Variants in DDX10 observed in about 807,000 individuals in gnomAD.
DDX10 encodes DEAD-box helicase 10.
A neutral mutation model predicts 104.3 loss-of-function variants in DDX10; 74 were observed. The ratio of observed to expected loss-of-function variants is 0.71; its 90% CI spans 0.59 to 0.86. The LOEUF is 0.86. Among genes scored for constraint, DDX10 ranks in the 40% least tolerant of loss-of-function variants. The pLI, the probability that DDX10 is intolerant of heterozygous loss-of-function variation, is 0.00. For missense variants in DDX10, 952 were observed against 1,040.0 expected, an observed-to-expected ratio of 0.92 and a Z score of 1.16; for synonymous variants, 351 against 353.4, an observed-to-expected ratio of 0.99 and a Z score of 0.08.
chr11:108,931,618 A>G (rs1863976192), intron 17 of DDX10, among the ~76,000 whole-genome samples: 1 of 152,232 alleles, frequency 6.6e-6, no homozygotes, highest in Admixed American at 6.5e-5. Context: ...TGTAAAGTTA[A>G]GGGGATAAAA....
chr11:108,890,808 C>A (rs1010870012), intron 16 of DDX10, among the ~76,000 whole-genome samples: 2 of 152,020 alleles, frequency 1.3e-5, no homozygotes, highest in African/African-American at 2.4e-5. Flanking sequence ...CGTGGAAATA[C>A]TGACATAAAG....
At chr11:108,938,358 T>A (rs1864062155) in intron 17 of DDX10, among the ~76,000 whole-genome samples, 1 of 151,550 alleles carries the variant, frequency 6.6e-6, no homozygotes, top group Non-Finnish European at 1.5e-5. Flanking sequence ...CCAAACCACC[T>A]ATTTCCTGCA....
At chr11:108,846,422 C>G (rs184907326) in intron 15 of DDX10, among the ~76,000 whole-genome samples, 3 of 152,212 alleles carry the variant, frequency 2.0e-5, no homozygotes, top group Admixed American at 2.0e-4. Context: ...TTGCCCATCT[C>G]CCCTGCAAGC....
At chr11:108,709,410 C>T (rs1223476204) in intron 10 of DDX10, among the ~76,000 whole-genome samples, 1 of 152,190 alleles carries the variant, frequency 6.6e-6, no homozygotes, top group Non-Finnish European at 1.5e-5. Context: ...GCGAGCCCAT[C>T]CGGGCTTGGT....
chr11:108,856,219 G>A (rs1474795792), intron 16 of DDX10, among the ~76,000 whole-genome samples: 1 of 152,064 alleles, frequency 6.6e-6, no homozygotes, highest in African/African-American at 2.4e-5. Flanking sequence ...CACCTGCGGT[G>A]AGGGGTTCAA....
In DDX10 at chr11:108,852,201, C is replaced by CAAGCA; in HGVS notation, c.2300_2304dup (p.Ala769GlnfsTer50). On this transcript the variant is annotated frameshift_variant, in exon 16 of 18. Transcript: ENST00000322536. LOFTEE classifies it high-confidence loss of function. ...AGCCAGAAGAGAAGCCAACAAGAGA[C>CAAGCA]AAGCAAAGGTAAGGGTTTATATACA... is the stretch of plus-strand genomic sequence containing the variant. 1 of 1,610,694 alleles carries CAAGCA rather than the reference C, an allele frequency of 6.2e-7. No homozygotes were observed. The highest frequency in any genetic ancestry group is 8.5e-7 in the Non-Finnish European group (1 of 1,177,886).
chr11:108,881,636 A>G (rs1863228421), intron 16 of DDX10, among the ~76,000 whole-genome samples: 1 of 151,970 alleles, frequency 6.6e-6, no homozygotes, highest in South Asian at 2.1e-4. Context: ...GCTATTCAAC[A>G]CTCTATTATA....
intron 13 of DDX10, chr11:108,822,465 C>A: frequency 9.0e-6 from 3 of 333,926 alleles, no homozygotes; most frequent in South Asian, 2.9e-5. Flanking sequence ...TCAGTGTATC[C>A]TTTCCCCAGG....
chr11:108,708,654 A>G (rs1375826711), intron 10 of DDX10, among the ~76,000 whole-genome samples: 5 of 149,028 alleles, frequency 3.4e-5, no homozygotes, highest in Admixed American at 1.3e-4. Context: ...TGGAACCTCT[A>G]CCTCCTGGGT....
chr11:108,789,057 G>A (rs1861834549), intron 13 of DDX10, among the ~76,000 whole-genome samples: 1 of 152,208 alleles, frequency 6.6e-6, no homozygotes, highest in African/African-American at 2.4e-5. Context: ...GCTGGTCTGT[G>A]AGCCCAGGCA....
At chr11:108,689,297 C>T (rs1030915421) in intron 7 of DDX10, among the ~76,000 whole-genome samples, 6 of 152,096 alleles carry the variant, frequency 3.9e-5, no homozygotes, top group Non-Finnish European at 8.8e-5. Context: ...AAATGTAGTC[C>T]TCAATAAATA....
chr11:108,891,319 A>G (rs1448635006), intron 16 of DDX10, among the ~76,000 whole-genome samples: 1 of 152,148 alleles, frequency 6.6e-6, no homozygotes, highest in Admixed American at 6.6e-5. Context: ...CCCTTGAAAG[A>G]TCATGTTTCA....
intron 13 of DDX10, among the ~76,000 whole-genome samples, chr11:108,815,777 A>G (rs1276549711): frequency 6.6e-6 from 1 of 152,184 alleles, no homozygotes; most frequent in African/African-American, 2.4e-5. Flanking sequence ...TCATTCTAGT[A>G]TTTTAAAGTA....
chr11:108,789,180 C>A (rs943918533), intron 13 of DDX10, among the ~76,000 whole-genome samples: 2 of 152,194 alleles, frequency 1.3e-5, no homozygotes, highest in Non-Finnish European at 2.9e-5. Context: ...AAATCAGGTA[C>A]TTCCTGTTCT....
chr11:108,940,432 T>C lies in DDX10; in HGVS notation c.*9T>C. The C allele has an allele frequency of 1.2e-6, 2 of 1,609,910 alleles. No individual in the cohort carries two copies. Among genetic ancestry groups the C allele is most frequent in the Non-Finnish European group, 1.7e-6 (2 of 1,178,312 alleles). On this transcript the variant is annotated 3_prime_UTR_variant, in exon 18 of 18. Transcript: ENST00000322536. ...TAAGAAGTCAAAGCTAAATACTTCC[T>C]GCGCCTGCCTTCTCCTTGAAACCTT... is the stretch of plus-strand genomic sequence containing the variant.
intron 13 of DDX10, among the ~76,000 whole-genome samples, chr11:108,807,309 T>G (rs984193303): frequency 6.6e-6 from 1 of 152,192 alleles, no homozygotes; most frequent in Non-Finnish European, 1.5e-5. Context: ...TATTGCTTAG[T>G]GACAGGCAAA....
At chr11:108,750,926 CTTTTTTTTTTT>C (rs10582729) in intron 13 of DDX10, among the ~76,000 whole-genome samples, 71 of 24,250 alleles carry the variant, frequency 2.9e-3, no homozygotes, top group African/African-American at 6.3e-3. Context: ...CACCTGGTTA[CTTTTTTTTTTT>C]TTTTTTTTTT....
At chr11:108,848,090 A>T (rs1459305936) in intron 15 of DDX10, among the ~76,000 whole-genome samples, 2 of 152,222 alleles carry the variant, frequency 1.3e-5, no homozygotes, top group South Asian at 4.1e-4. Flanking sequence ...TGAAGAACAG[A>T]TGACAAATAA....
chr11:108,690,973 G>A (rs2094251705), intron 7 of DDX10: 1 of 152,540 alleles, frequency 6.6e-6, no homozygotes, highest in African/African-American at 2.4e-5. Context: ...TTTTCTTGGA[G>A]AAGCTGTTTT....
Sources: gnomAD v4.1 joint callset for allele counts (sites outside exome capture counted in the v4.1 genomes callset) on GRCh38, gnomAD v4.1.1 for gene constraint, MANE v1.5 for transcripts, NCBI Gene and HGNC (gene_info 2026-07-23, HGNC 2026-07-21) for gene names.